Variants in NR2F1-AS1 observed in about 807,000 individuals in gnomAD.
NR2F1-AS1 encodes the protein NR2F1 antisense RNA 1.
intron 2 of NR2F1-AS1, among the ~76,000 whole-genome samples, chr5:93,559,505 A>G (rs1447214072): frequency 6.6e-6 from 1 of 152,116 alleles, no homozygotes; most frequent in Non-Finnish European, 1.5e-5. Context: ...TGCTTCCACA[A>G]CTTGGATGTT....
chr5:93,476,321 C>A (rs1415281824), intron 4 of NR2F1-AS1, among the ~76,000 whole-genome samples: 1 of 152,020 alleles, frequency 6.6e-6, no homozygotes, highest in Admixed American at 6.5e-5. Flanking sequence ...TGAACAATGC[C>A]AGCATCATCA....
chr5:93,418,457 T>G (rs546526270), intron 4 of NR2F1-AS1, among the ~76,000 whole-genome samples: 29 of 152,030 alleles, frequency 1.9e-4, no homozygotes, highest in Non-Finnish European at 3.5e-4. Context: ...TGTGGTGGCA[T>G]GCGCCTGTAG....
Position 93,576,964 on chromosome 5 carries a change from A to G in NR2F1-AS1, n.313+3503T>C, listed in dbSNP as rs1022044303. Among the ~76,000 whole-genome samples, 3 of 152,280 alleles carry G rather than the reference A, an allele frequency of 2.0e-5. No individual in the cohort carries two copies. The East Asian group carries it at 5.8e-4, about 29-fold the overall frequency. On this transcript the variant is annotated intron_variant and non_coding_transcript_variant, in intron 1 of 5. Coordinates refer to ENST00000660523, the Ensembl canonical transcript of NR2F1-AS1. ...TAAAATAAATAAATTTTATAACATA[A>G]AAGTCTTCAATTATTTCCTTTTTTC...
At chr5:93,524,109 A>G (rs1386646068) in intron 4 of NR2F1-AS1, among the ~76,000 whole-genome samples, 1 of 152,078 alleles carries the variant, frequency 6.6e-6, no homozygotes. Context: ...AGAACCTTGA[A>G]AAAAGGTAAG....
chr5:93,585,226 G>A, upstream of NR2F1-AS1: 2 of 1,550,116 alleles, frequency 1.3e-6, no homozygotes. Flanking sequence ...GGCACGGCGG[G>A]GGACAAGGGC....
chr5:93,577,222 T>C (rs552273724), intron 1 of NR2F1-AS1, among the ~76,000 whole-genome samples: 44 of 152,244 alleles, frequency 2.9e-4, no homozygotes, highest in Non-Finnish European at 5.9e-4. Context: ...CTTATCTCTC[T>C]TTTTCAAAAC....
At chr5:93,581,796 TCCC>T (rs1753074005), upstream of NR2F1-AS1, among the ~76,000 whole-genome samples, 1 of 47,020 alleles carries the variant, frequency 2.1e-5, no homozygotes, top group Non-Finnish European at 3.9e-5. Flanking sequence ...CCTCTCCCTC[TCCC>T]TCTCCCTCTC....
At chr5:93,566,754 A>G (rs1249104992) in intron 1 of NR2F1-AS1, among the ~76,000 whole-genome samples, 2 of 152,034 alleles carry the variant, frequency 1.3e-5, no homozygotes, top group Non-Finnish European at 2.9e-5. Flanking sequence ...AACATATTGT[A>G]AGGAAATAAC....
chr5:93,440,827 T>C (rs1749553090), intron 4 of NR2F1-AS1, among the ~76,000 whole-genome samples: 1 of 152,184 alleles, frequency 6.6e-6, no homozygotes, highest in African/African-American at 2.4e-5. Context: ...GAAAAATAAA[T>C]GCATTTTTTC....
chr5:93,410,984 T>C (rs182563514), intron 4 of NR2F1-AS1: 3 of 152,292 alleles, frequency 2.0e-5, no homozygotes, highest in Admixed American at 1.3e-4. Flanking sequence ...GATTTTGTTT[T>C]GTTTTTTATT....
Position 93,434,378 on chromosome 5 carries a change from T to C in NR2F1-AS1, n.639-38836A>G, listed in dbSNP as rs1011150041. Among the ~76,000 whole-genome samples, 4 of 152,326 alleles carry C rather than the reference T, an allele frequency of 2.6e-5. No individual in the cohort carries two copies. The South Asian group carries it at 8.3e-4, about 32-fold the overall frequency. ...TAAACTTACAGAAGAGTTTCAGGCATCGTATAAAGAACTCCTGTTTGTGTT... is the reference window on the plus strand; with the variant it reads ...TAAACTTACAGAAGAGTTTCAGGCACCGTATAAAGAACTCCTGTTTGTGTT... On this transcript the variant is annotated intron_variant and non_coding_transcript_variant, in intron 4 of 5. Transcript: ENST00000660523.
At chr5:93,479,865 C>T (rs1202102260) in intron 4 of NR2F1-AS1, among the ~76,000 whole-genome samples, 1 of 151,358 alleles carries the variant, frequency 6.6e-6, no homozygotes, top group Admixed American at 6.6e-5. Context: ...AAAAAGAACA[C>T]AGTAGAAATA....
At chr5:93,437,278 CG>C (rs1749456101) in intron 4 of NR2F1-AS1, among the ~76,000 whole-genome samples, 1 of 151,886 alleles carries the variant, frequency 6.6e-6, no homozygotes, top group Non-Finnish European at 1.5e-5. Context: ...AGATACACAC[CG>C]GATTTCAAAG....
intron 4 of NR2F1-AS1, among the ~76,000 whole-genome samples, chr5:93,550,455 T>C (rs1450128209): frequency 6.6e-6 from 1 of 152,214 alleles, no homozygotes; most frequent in African/African-American, 2.4e-5. Context: ...GAAAACTACA[T>C]TTCCTTCCAA....
chr5:93,544,658 T>C (rs976499670), intron 4 of NR2F1-AS1: 3 of 152,196 alleles, frequency 2.0e-5, no homozygotes, highest in African/African-American at 7.2e-5. Flanking sequence ...GTGCAGTGGC[T>C]CACGCCTGTA....
chr5:93,501,010 T>C (rs1751067336), intron 4 of NR2F1-AS1, among the ~76,000 whole-genome samples: 1 of 152,162 alleles, frequency 6.6e-6, no homozygotes, highest in Admixed American at 6.6e-5. Context: ...ATTGAAAGCC[T>C]TCTGGAAAAG....
intron 4 of NR2F1-AS1, among the ~76,000 whole-genome samples, chr5:93,436,432 A>G (rs1454919999): frequency 6.6e-6 from 1 of 152,170 alleles, no homozygotes; most frequent in African/African-American, 2.4e-5. Context: ...AGTTTACCCA[A>G]AGCAAACTCA....
At position 93,579,298 on chromosome 5, in the gene NR2F1-AS1, A is replaced by G. The variant is rs927630316; in HGVS notation, n.313+1169T>C. ...TCACCACCAACAGCTTCCCACTCCC[A>G]CCCCTGGGACTAGGACAGGGGACTT... On this transcript the variant is annotated intron_variant and non_coding_transcript_variant, in intron 1 of 5. Coordinates refer to ENST00000660523, the Ensembl canonical transcript of NR2F1-AS1. This position sits in a 1 kb window ranked among gnomAD's most constrained non-coding sequence, Gnocchi z 5.1. Among the ~76,000 whole-genome samples, 1 of 151,536 alleles carries G rather than the reference A, an allele frequency of 6.6e-6. No homozygotes were observed. The highest frequency in any genetic ancestry group is 2.4e-5 in the African/African-American group (1 of 41,182).
intron 4 of NR2F1-AS1, among the ~76,000 whole-genome samples, chr5:93,523,127 T>C (rs963606556): frequency 4.6e-5 from 7 of 152,116 alleles, no homozygotes; most frequent in African/African-American, 1.7e-4. Context: ...AGCACAGCAG[T>C]ATGAAGTCGA....
Sources: gnomAD v4.1 joint callset for allele counts (sites outside exome capture counted in the v4.1 genomes callset) on GRCh38, gnomAD v4.1.1 for gene constraint, Gnocchi (gnomAD v3.1) non-coding constraint, MANE v1.5 for transcripts, NCBI Gene and HGNC (gene_info 2026-07-23, HGNC 2026-07-21) for gene names.